Variants in RYR3 observed in about 807,000 individuals in gnomAD.
RYR3 encodes the protein brain ryanodine receptor-calcium release channel.
Under a neutral mutation model 584.3 loss-of-function variants are expected in RYR3, and 207 were observed. The ratio of observed to expected loss-of-function variants is 0.35; its 90% CI spans 0.32 to 0.40. The LOEUF is 0.40. Ranked by LOEUF, RYR3 falls within the 10% of genes least tolerant of loss-of-function variation. RYR3 has a pLI of 1.00. For synonymous variants in RYR3, 2,416 were observed against 2,248.5 expected, an observed-to-expected ratio of 1.07 and a Z score of -2.11; for missense variants, 5,616 against 6,089.2, an observed-to-expected ratio of 0.92 and a Z score of 2.59.
chr15:33,628,506 C>T lies in RYR3; in HGVS notation c.2610C>T (p.Asp870=), dbSNP rs1284205371. 6.2e-7 allele frequency: 1 copy of T among 1,613,524 alleles called. No homozygotes were observed. Among genetic ancestry groups the T allele is most frequent in the African/African-American group, 1.3e-5 (1 of 74,910 alleles). ...CACCTCACCTAGAAAAGATCCGAGACAGACTAGCTGAAAACATCCATGAGC... is the reference window on the plus strand; with the variant it reads ...CACCTCACCTAGAAAAGATCCGAGATAGACTAGCTGAAAACATCCATGAGC... ...ILPPHLEKIR[D]RLAENIHELW... is the part of the protein sequence containing the mutation. Residue 870 remains aspartate (D), a synonymous_variant, in exon 21 of 104, where the codon GAC becomes GAT. Coordinates refer to ENST00000634891, the MANE Select transcript of RYR3 (RefSeq NM_001036.6).
intron 10 of RYR3, among the ~76,000 whole-genome samples, chr15:33,552,421 G>A (rs895620243): frequency 5.9e-5 from 9 of 152,164 alleles, no homozygotes; most frequent in Non-Finnish European, 1.3e-4. Flanking sequence ...GCGCATGGGT[G>A]GAAAGTCGTC....
At chr15:33,548,577 G>C (rs1177506670) in intron 9 of RYR3, among the ~76,000 whole-genome samples, 2 of 152,210 alleles carry the variant, frequency 1.3e-5, no homozygotes, top group Non-Finnish European at 2.9e-5. Context: ...TGGACAGTTA[G>C]CTTTAAATGG....
intron 1 of RYR3, among the ~76,000 whole-genome samples, chr15:33,432,787 T>C (rs2045305651): frequency 6.6e-6 from 1 of 151,762 alleles, no homozygotes; most frequent in Non-Finnish European, 1.5e-5. Context: ...CCCAAAGTGC[T>C]AGGATTACAG....
chr15:33,703,061 A>C (rs1596241213), intron 42 of RYR3, among the ~76,000 whole-genome samples: 1 of 152,206 alleles, frequency 6.6e-6, no homozygotes, highest in Non-Finnish European at 1.5e-5. Context: ...ACTCACGAAG[A>C]TTCTGCTGTT....
At chr15:33,810,003 T>C (rs756593737) in intron 70 of RYR3, among the ~76,000 whole-genome samples, 4 of 152,230 alleles carry the variant, frequency 2.6e-5, no homozygotes, top group Non-Finnish European at 5.9e-5. Context: ...AGAATTTGCA[T>C]TGGCTCATGG....
intron 3 of RYR3, among the ~76,000 whole-genome samples, chr15:33,512,954 T>C (rs1481882235): frequency 6.6e-6 from 1 of 152,110 alleles, no homozygotes; most frequent in Non-Finnish European, 1.5e-5. Flanking sequence ...TTGAGAAAAA[T>C]AACTGTTTCA....
At chr15:33,491,832 AC>A (rs2050987870) in intron 2 of RYR3, among the ~76,000 whole-genome samples, 1 of 152,142 alleles carries the variant, frequency 6.6e-6, no homozygotes, top group Non-Finnish European at 1.5e-5. Context: ...GTAGGAGGAG[AC>A]TGAGTCTCCT....
chr15:33,511,880 G>A (rs1219595836), intron 3 of RYR3, among the ~76,000 whole-genome samples: 1 of 152,244 alleles, frequency 6.6e-6, no homozygotes, highest in Middle Eastern at 3.4e-3. Context: ...CCGGGTTCAC[G>A]CCATTCTCCT....
At chr15:33,561,419 TC>T (rs1325716567) in intron 10 of RYR3, among the ~76,000 whole-genome samples, 2 of 152,194 alleles carry the variant, frequency 1.3e-5, no homozygotes, top group African/African-American at 4.8e-5. Flanking sequence ...GAGCTGGACT[TC>T]CTGGTTTAAA....
chr15:33,580,108 C>T lies in RYR3; in HGVS notation c.1401C>T (p.Arg467=). The T allele has an allele frequency of 6.2e-7, 1 of 1,611,816 alleles. No homozygotes were observed. The highest frequency in any genetic ancestry group is 8.5e-7 in the Non-Finnish European group (1 of 1,179,010). ...MRHEDKQNKL[R]SLKNRQNLFK... ...ATGAAGACAAGCAGAACAAGCTCCG[C>T]TCACTCAAAAACAGACAAAATCTTT... is the stretch of plus-strand genomic sequence containing the variant. The change falls in exon 13 of 104, where the codon CGC becomes CGT. Residue 467 remains arginine, a synonymous_variant. Coordinates refer to ENST00000634891, the MANE Select transcript of RYR3 (RefSeq NM_001036.6).
chr15:33,513,400 C>A (rs2053213771), intron 3 of RYR3, among the ~76,000 whole-genome samples: 1 of 152,100 alleles, frequency 6.6e-6, no homozygotes, highest in Non-Finnish European at 1.5e-5. Context: ...ACACTCCAGT[C>A]CTATGATTGC....
At chr15:33,417,593 T>C (rs772347557) in intron 1 of RYR3, among the ~76,000 whole-genome samples, 13 of 152,218 alleles carry the variant, frequency 8.5e-5, no homozygotes, top group African/African-American at 1.4e-4. Flanking sequence ...GCGGAATCTT[T>C]AGGATTTTCT....
chr15:33,689,055 A>T (rs903199868), intron 38 of RYR3, among the ~76,000 whole-genome samples: 4 of 152,064 alleles, frequency 2.6e-5, no homozygotes, highest in African/African-American at 9.7e-5. Flanking sequence ...ATAAAAAAGG[A>T]TGAGTTCATG....
chr15:33,405,309 G>T (rs1225815299), intron 1 of RYR3, among the ~76,000 whole-genome samples: 1 of 152,152 alleles, frequency 6.6e-6, no homozygotes, highest in Non-Finnish European at 1.5e-5. Flanking sequence ...TTAAGAATGT[G>T]TCTTGGAGTT....
intron 1 of RYR3, among the ~76,000 whole-genome samples, chr15:33,368,949 T>C (rs138677068): frequency 6.6e-6 from 1 of 152,310 alleles, no homozygotes; most frequent in East Asian, 1.9e-4. Context: ...TCTTTAGGGA[T>C]GTTTCCCAAG....
intron 38 of RYR3, among the ~76,000 whole-genome samples, chr15:33,674,355 C>T (rs1180972412): frequency 6.6e-6 from 1 of 152,210 alleles, no homozygotes. Context: ...CACACACACA[C>T]ACAAACACCT....
intron 20 of RYR3, among the ~76,000 whole-genome samples, chr15:33,625,443 G>A (rs1031977869): frequency 6.6e-6 from 1 of 152,156 alleles, no homozygotes; most frequent in African/African-American, 2.4e-5. Flanking sequence ...AGGGGGTTGT[G>A]AGCTAGAGGT....
At chr15:33,831,161 T>C in intron 86 of RYR3, 70 bp downstream of exon 86, 1 of 1,450,746 alleles carries the variant, frequency 6.9e-7, no homozygotes, top group Non-Finnish European at 9.4e-7. Context: ...CTATATTCCC[T>C]ACAGAATACT....
At position 33,550,175 on chromosome 15, in the gene RYR3, C is replaced by T. The variant is rs897878116; in HGVS notation, c.831C>T (p.Asn277=). ...EPLRISWSGS[N]IRWGQAFRLR... ...ATCTGCCCAGCTGGAGTGGCAGTAA[C>T]ATCAGATGGGGCCAGGCTTTCCGAC... Residue 277 remains asparagine (N), a synonymous_variant, in exon 10 of 104, where the codon AAC becomes AAT. Transcript: ENST00000634891. The T allele has an allele frequency of 3.7e-6, 6 of 1,612,924 alleles. No individual in the cohort carries two copies. The African/African-American group carries it at 6.7e-5, about 18-fold the overall frequency.
Sources: allele counts gnomAD v4.1 joint callset (sites outside exome capture counted in the v4.1 genomes callset), GRCh38; gene constraint gnomAD v4.1.1; transcripts MANE v1.5; gene names NCBI Gene and HGNC (gene_info 2026-07-23, HGNC 2026-07-21).